RAB27B: variants seen among roughly 807,000 people sequenced by gnomAD.
RAB27B encodes the protein RAB27B, member RAS oncogene family.
Under a neutral mutation model 24.6 loss-of-function variants are expected in RAB27B, and 15 were observed. The observed-to-expected ratio is 0.61, with a 90% confidence interval of 0.41 to 0.94. The LOEUF (loss-of-function observed/expected upper bound fraction) is 0.94, where lower values mean the gene tolerates loss of function less well. Among genes scored for constraint, RAB27B ranks in the 40% least tolerant of loss-of-function variants. The probability of loss-of-function intolerance (pLI) is 0.00; values close to 1 mark genes in which losing one functional copy is unlikely to be tolerated. For synonymous variants in RAB27B, 105 were observed against 92.5 expected (o/e 1.14, Z -0.78); for missense variants, 261 against 266.8 (o/e 0.98, Z 0.15).
At chr18:54,889,111 C>A (rs987161947) in intron 5 of RAB27B, 113 bp from the exon 6 acceptor site, 26 of 1,026,604 alleles carry the variant, frequency 2.5e-5, no homozygotes, top group Non-Finnish European at 3.2e-5. Context: ...AAACCATAAT[C>A]ATTTCACAAT....
At chr18:54,788,822 ACTGT>A (rs10563379) in intron 2 of RAB27B, among the ~76,000 whole-genome samples, 63,249 of 151,682 alleles carry the variant, frequency 0.42, 13,401 homozygotes, top group South Asian at 0.54. Context: ...CCATCCCAAA[ACTGT>A]CTGTCAGGGA....
chr18:54,870,943 C>T (rs181069348), intron 1 of RAB27B, among the ~76,000 whole-genome samples: 8 of 152,254 alleles, frequency 5.3e-5, no homozygotes, highest in Non-Finnish European at 1.0e-4. Context: ...TTATACTATT[C>T]TCTCAAATTT....
intron 1 of RAB27B, among the ~76,000 whole-genome samples, chr18:54,837,774 A>G (rs372034127): frequency 1.8e-4 from 27 of 152,256 alleles, no homozygotes; most frequent in Non-Finnish European, 2.1e-4. Flanking sequence ...TTATATATCT[A>G]ATTATATATA....
At chr18:54,763,229 G>A (rs931019296) in intron 2 of RAB27B, among the ~76,000 whole-genome samples, 23 of 152,150 alleles carry the variant, frequency 1.5e-4, no homozygotes, top group Admixed American at 1.3e-4. Context: ...TTCACATACT[G>A]TGCTGGTATT....
intron 2 of RAB27B, among the ~76,000 whole-genome samples, chr18:54,770,896 G>A (rs193178009): frequency 2.0e-5 from 3 of 152,160 alleles, no homozygotes; most frequent in South Asian, 2.1e-4. Context: ...AAATCTTTTT[G>A]GGGTTCGAAT....
In RAB27B at chr18:54,889,373, T is replaced by C. The variant is rs1157892324; in HGVS notation, c.617T>C (p.Leu206Ser). Residue 206 changes from leucine (L) to serine (S), a missense_variant, in exon 6 of 6, where the codon TTG (leucine) becomes TCG (serine). Transcript: ENST00000262094. The stretch of plus-strand genomic sequence containing the variant: ...GTCAATGGTGGAAATTCTGGAAACT[T>C]GGATGGGGAAAAGCCACCAGAGAAG... ...DTVNGGNSGN[L>S]DGEKPPEKKC... 2 of 1,613,070 alleles carry C rather than the reference T, an allele frequency of 1.2e-6. No individual in the cohort carries two copies. The highest frequency in any genetic ancestry group is 2.7e-5 in the African/African-American group (2 of 74,846).
intron 2 of RAB27B, among the ~76,000 whole-genome samples, chr18:54,776,081 A>G (rs1223620551): frequency 6.6e-6 from 1 of 152,242 alleles, no homozygotes; most frequent in African/African-American, 2.4e-5. Flanking sequence ...TGCAAATTAA[A>G]TTGAATTTGC....
At chr18:54,766,655 T>C (rs1908372356) in intron 2 of RAB27B, among the ~76,000 whole-genome samples, 1 of 152,162 alleles carries the variant, frequency 6.6e-6, no homozygotes, top group African/African-American at 2.4e-5. Context: ...GAAATATGCC[T>C]AAAGACATAG....
intron 2 of RAB27B, among the ~76,000 whole-genome samples, chr18:54,751,433 G>A (rs1303082147): frequency 6.6e-6 from 1 of 152,118 alleles, no homozygotes; most frequent in Non-Finnish European, 1.5e-5. Context: ...ATTGATTTGA[G>A]GTCCCTGTGT....
intron 2 of RAB27B, among the ~76,000 whole-genome samples, chr18:54,763,724 T>C (rs189686254): frequency 1.3e-5 from 2 of 152,312 alleles, no homozygotes; most frequent in Admixed American, 1.3e-4. Flanking sequence ...CTCAGGTTTT[T>C]ATCCTTAAAT....
In RAB27B at chr18:54,834,575, C is replaced by T. The variant is rs185383121; in HGVS notation, c.-20+5875C>T. On this transcript the variant is annotated intron_variant, in intron 1 of 5. Coordinates refer to ENST00000262094, the MANE Select transcript of RAB27B (RefSeq NM_004163.4). ...TTCTTCCTTCCATTTATGTGTCTAT[C>T]CCTCTAGATAGATGATAGGTAGAGA... Among the ~76,000 whole-genome samples, 26 of 152,172 alleles carry T rather than the reference C, an allele frequency of 1.7e-4. 1 individual carries two copies. Among genetic ancestry groups the T allele is most frequent in the Non-Finnish European group, 2.5e-4 (17 of 67,994 alleles).
chr18:54,797,875 G>T (rs547434268), intron 2 of RAB27B, among the ~76,000 whole-genome samples: 1 of 152,086 alleles, frequency 6.6e-6, no homozygotes, highest in South Asian at 2.1e-4. Flanking sequence ...CAAATGATAC[G>T]CTCACCATCA....
At chr18:54,765,115 C>G (rs1180544266) in intron 2 of RAB27B, among the ~76,000 whole-genome samples, 1 of 151,946 alleles carries the variant, frequency 6.6e-6, no homozygotes, top group African/African-American at 2.4e-5. Flanking sequence ...CAAAAAAAAC[C>G]AAAAAGAAAA....
chr18:54,759,684 C>T lies in RAB27B; in HGVS notation c.-20+41543C>T, dbSNP rs150298091. Among the ~76,000 whole-genome samples the T allele has an allele frequency of 8.6e-3, 1,314 of 152,266 alleles. 9 individuals are homozygous for T. The highest frequency in any genetic ancestry group is 0.014 in the Non-Finnish European group (939 of 68,030). On this transcript the variant is annotated intron_variant, in intron 2 of 4. Coordinates refer to the RAB27B transcript ENST00000586570. ...TGTTTGGCCCACCCCTCCCCACCAT[C>T]CTGTACCCATAAAAAGCCCAGGCTC... is the stretch of plus-strand genomic sequence containing the variant.
chr18:54,794,455 GAGCTCTTAC>G (rs1342425677), intron 2 of RAB27B, among the ~76,000 whole-genome samples: 1 of 152,216 alleles, frequency 6.6e-6, no homozygotes, highest in Non-Finnish European at 1.5e-5. Context: ...AGTTTGACAT[GAGCTCTTAC>G]AGCGTAAAAA....
intron 3 of RAB27B, chr18:54,880,409 C>T (rs1042953925): frequency 6.6e-6 from 1 of 152,180 alleles, no homozygotes; most frequent in Non-Finnish European, 1.5e-5. Flanking sequence ...AAAAAATTGG[C>T]AGAGAGGATA....
chr18:54,855,075 A>G (rs1911728108), intron 1 of RAB27B, among the ~76,000 whole-genome samples: 2 of 152,344 alleles, frequency 1.3e-5, no homozygotes, highest in African/African-American at 4.8e-5. Context: ...GGACTGTCCC[A>G]TCTGGGGGTG....
intron 2 of RAB27B, among the ~76,000 whole-genome samples, chr18:54,763,720 T>C (rs58406131): frequency 0.056 from 8,486 of 152,164 alleles, 304 homozygotes; most frequent in Admixed American, 0.085. Flanking sequence ...ATGACTCAGG[T>C]TTTTATCCTT....
chr18:54,801,144 C>T (rs1909597396), intron 2 of RAB27B, among the ~76,000 whole-genome samples: 1 of 151,168 alleles, frequency 6.6e-6, no homozygotes, highest in South Asian at 2.1e-4. Flanking sequence ...TCCCTAGTAG[C>T]TGGGATTACA....
Sources: allele counts gnomAD v4.1 joint callset (sites outside exome capture counted in the v4.1 genomes callset), GRCh38; gene constraint gnomAD v4.1.1; transcripts MANE v1.5; gene names NCBI Gene and HGNC (gene_info 2026-07-23, HGNC 2026-07-21).